CTNNA3: variants seen among roughly 807,000 people sequenced by gnomAD.
The protein encoded by CTNNA3 is catenin alpha-3.
A neutral mutation model predicts 95.7 loss-of-function variants in CTNNA3; 76 were observed. The ratio of observed to expected loss-of-function variants is 0.79; its 90% CI spans 0.66 to 0.96. The LOEUF is 0.96. CTNNA3 is among the 40% of genes least tolerant of loss of function. The pLI is 0.00. For synonymous variants in CTNNA3, 431 were observed against 374.4 expected, an observed-to-expected ratio of 1.15 and a Z score of -1.74; for missense variants, 1,191 against 1,089.8, an observed-to-expected ratio of 1.09 and a Z score of -1.31.
chr10:66,365,306 G>T (rs2092703711), intron 12 of CTNNA3, among the ~76,000 whole-genome samples: 1 of 152,094 alleles, frequency 6.6e-6, no homozygotes, highest in Non-Finnish European at 1.5e-5. Context: ...AACACTGCAT[G>T]TTCTCACTCA....
intron 7 of CTNNA3, among the ~76,000 whole-genome samples, chr10:66,800,105 T>C (rs1414094263): frequency 2.0e-5 from 3 of 151,502 alleles, no homozygotes; most frequent in Admixed American, 6.6e-5. Flanking sequence ...GTGTTTTTGA[T>C]GGTATACAGC....
chr10:66,486,858 T>C (rs1406840604), intron 11 of CTNNA3, among the ~76,000 whole-genome samples: 2 of 150,428 alleles, frequency 1.3e-5, no homozygotes, highest in Non-Finnish European at 3.0e-5. Context: ...AAATGAAATA[T>C]CAGTCAGTCT....
chr10:66,603,271 TA>T (rs1843997855), intron 10 of CTNNA3, among the ~76,000 whole-genome samples: 1 of 151,982 alleles, frequency 6.6e-6, no homozygotes, highest in Non-Finnish European at 1.5e-5. Context: ...ACACAAAAAT[TA>T]ATAGTGTGTC....
chr10:66,156,763 T>C (rs1471536070), intron 13 of CTNNA3, among the ~76,000 whole-genome samples: 1 of 151,890 alleles, frequency 6.6e-6, no homozygotes, highest in East Asian at 1.9e-4. Flanking sequence ...TGGAGACTGG[T>C]AGGATTTTGA....
chr10:66,912,185 C>T (rs1846252007), intron 7 of CTNNA3, among the ~76,000 whole-genome samples: 2 of 152,098 alleles, frequency 1.3e-5, no homozygotes, highest in African/African-American at 2.4e-5. Flanking sequence ...TAAACCTCTA[C>T]TTCCTAGAGT....
chr10:67,475,853 G>C (rs7076866), intron 5 of CTNNA3, among the ~76,000 whole-genome samples: 1 of 152,172 alleles, frequency 6.6e-6, no homozygotes, highest in Non-Finnish European at 1.5e-5. Context: ...CTGAATGGAG[G>C]TAAGAAATCA....
At chr10:67,153,525 TG>T (rs1481657066) in intron 7 of CTNNA3, among the ~76,000 whole-genome samples, 1 of 152,264 alleles carries the variant, frequency 6.6e-6, no homozygotes, top group Non-Finnish European at 1.5e-5. Flanking sequence ...TTGTGAAATT[TG>T]CCCCAGGGCA....
intron 5 of CTNNA3, among the ~76,000 whole-genome samples, chr10:67,344,643 T>C (rs1842345716): frequency 6.6e-6 from 1 of 152,132 alleles, no homozygotes; most frequent in Non-Finnish European, 1.5e-5. Context: ...TTATAGTTGC[T>C]CATAGTAGCC....
At chr10:67,012,099 A>C (rs139635350) in intron 7 of CTNNA3, among the ~76,000 whole-genome samples, 243 of 152,320 alleles carry the variant, frequency 1.6e-3, no homozygotes, top group African/African-American at 5.5e-3. Flanking sequence ...AGTCAAACAC[A>C]ACTCTCTCTG....
At chr10:66,456,098 T>C (rs1370117000) in intron 11 of CTNNA3, among the ~76,000 whole-genome samples, 2 of 152,168 alleles carry the variant, frequency 1.3e-5, no homozygotes, top group African/African-American at 2.4e-5. Flanking sequence ...AGACTCAACA[T>C]AGTAAAATGC....
At chr10:66,895,914 C>CAAAAAAA (rs869248195) in intron 7 of CTNNA3, among the ~76,000 whole-genome samples, 4 of 80,188 alleles carry the variant, frequency 5.0e-5, no homozygotes, top group Non-Finnish European at 7.3e-5. Context: ...CCTGTCTCTA[C>CAAAAAAA]AAAAAAAAAA....
intron 2 of CTNNA3, among the ~76,000 whole-genome samples, chr10:67,633,485 C>G (rs1426127005): frequency 6.6e-6 from 1 of 152,158 alleles, no homozygotes; most frequent in Non-Finnish European, 1.5e-5. Flanking sequence ...TTAGGAACAG[C>G]AACATGTCAG....
In CTNNA3 at chr10:66,076,703, A is replaced by T. The variant is rs546259345; in HGVS notation, c.1978-7214T>A. On this transcript the variant is annotated intron_variant, in intron 14 of 17. Transcript: ENST00000433211. The stretch of plus-strand genomic sequence containing the variant: ...CAGAGTAAATTATCAGGTATATTTG[A>T]CTGATTATCTATGTCTTAAATATAA... 5.9e-5 allele frequency among the ~76,000 whole-genome samples: 9 copies of T among 151,792 alleles called. No individual in the cohort carries two copies. In the South Asian group the frequency reaches 1.9e-3, roughly 32 times the overall value.
At chr10:67,218,538 C>T (rs1008159534) in intron 6 of CTNNA3, among the ~76,000 whole-genome samples, 2 of 152,100 alleles carry the variant, frequency 1.3e-5, no homozygotes, top group South Asian at 2.1e-4. Flanking sequence ...TCCAGTCCCG[C>T]TCCTTCCCTC....
At chr10:66,650,355 T>G (rs887133484) in intron 9 of CTNNA3, among the ~76,000 whole-genome samples, 22 of 152,136 alleles carry the variant, frequency 1.4e-4, no homozygotes, top group African/African-American at 5.3e-4. Context: ...TAGAAATCAG[T>G]TAACTGGAAA....
At chr10:66,255,413 C>T (rs1294091245) in intron 13 of CTNNA3, among the ~76,000 whole-genome samples, 1 of 152,130 alleles carries the variant, frequency 6.6e-6, no homozygotes, top group Admixed American at 6.5e-5. Flanking sequence ...TTTTGACCCA[C>T]AAACTCTTTA....
At chr10:66,119,716 T>C (rs945958240) in intron 13 of CTNNA3, among the ~76,000 whole-genome samples, 8 of 151,838 alleles carry the variant, frequency 5.3e-5, no homozygotes, top group Non-Finnish European at 1.0e-4. Context: ...GTTCTCATTC[T>C]TGTTTTTCAT....
intron 11 of CTNNA3, among the ~76,000 whole-genome samples, chr10:66,400,711 C>T (rs1374527438): frequency 1.3e-5 from 2 of 152,126 alleles, no homozygotes; most frequent in Non-Finnish European, 2.9e-5. Context: ...TTTGAGCTGA[C>T]TCACTTTACT....
chr10:65,939,714 G>A (rs962004623), intron 17 of CTNNA3, among the ~76,000 whole-genome samples: 5 of 151,990 alleles, frequency 3.3e-5, no homozygotes, highest in East Asian at 3.9e-4. Context: ...ACCAACTTAC[G>A]TACATTATGC....
Sources: allele counts gnomAD v4.1 joint callset (sites outside exome capture counted in the v4.1 genomes callset), GRCh38; gene constraint gnomAD v4.1.1; transcripts MANE v1.5; gene names NCBI Gene and HGNC (gene_info 2026-07-23, HGNC 2026-07-21).